ZFHX3: variants seen among roughly 807,000 people sequenced by gnomAD.
The protein encoded by ZFHX3 is zinc finger homeobox 3.
Under a neutral mutation model 279.1 loss-of-function variants are expected in ZFHX3, and 42 were observed. The ratio of observed to expected loss-of-function variants is 0.15; its 90% confidence interval spans 0.12 to 0.19. ZFHX3 has a LOEUF of 0.19. Ranked by LOEUF, ZFHX3 falls within the 10% of genes least tolerant of loss-of-function variation. The pLI, the probability that ZFHX3 is intolerant of heterozygous loss-of-function variation, is 1.00. For synonymous variants in ZFHX3, 2,293 were observed against 1,957.8 expected (o/e 1.17, Z -4.52); for missense variants, 4,981 against 4,754.0 (o/e 1.05, Z -1.40).
At position 72,958,191 on chromosome 16, in the gene ZFHX3, G is replaced by A; in HGVS notation, c.1955C>T (p.Ser652Phe). ...GGTCATGTGGCCGCCCAGCGAGCGG[G>A]AGGAGCCCAGGACCGTGTCGCATTT... ...CPKCDTVLGS[S>F]RSLGGHMTMM... The change falls in exon 2 of 10, where the codon TCC (serine) becomes TTC (phenylalanine). Residue 652 changes from serine to phenylalanine, a missense_variant. Around this residue, in one of 7 missense-constraint regions of ZFHX3, gnomAD observed 1,068 missense variants for 935.2 expected, o/e 1.14. Coordinates refer to ENST00000268489, the MANE Select transcript of ZFHX3 (RefSeq NM_006885.4). The A allele has an allele frequency of 6.2e-7, 1 of 1,613,396 alleles. No homozygotes were observed. The highest frequency in any genetic ancestry group is 8.5e-7 in the Non-Finnish European group (1 of 1,179,346).
chr16:73,629,883 C>CCA (rs1467313922), intron 2 of ZFHX3, among the ~76,000 whole-genome samples: 1 of 152,216 alleles, frequency 6.6e-6, no homozygotes, highest in Non-Finnish European at 1.5e-5. Context: ...CTGATAGTCT[C>CCA]TTTCAACCGC....
chr16:72,796,641 T>C lies in ZFHX3; in HGVS notation c.6041A>G (p.Gln2014Arg). 1 of 1,614,100 alleles carries C rather than the reference T, an allele frequency of 6.2e-7. No homozygotes were observed. The highest frequency in any genetic ancestry group is 1.1e-5 in the South Asian group (1 of 91,076). The part of the protein sequence containing the change: ...HVHQNYFPFK[Q>R]LERFAKQYRD... Reference sequence around the variant, plus strand: ...GTACTGTTTGGCAAACCTCTCGAGCTGTTTGAAAGGAAAGTAATTCTGATG... The same window carrying C: ...GTACTGTTTGGCAAACCTCTCGAGCCGTTTGAAAGGAAAGTAATTCTGATG... Residue 2014 changes from glutamine (Q) to arginine (R), a missense_variant, in exon 9 of 10, where the codon CAG becomes CGG. Gln to Arg is a conservative substitution (Grantham distance 43). Transcript: ENST00000268489.
intron 3 of ZFHX3, among the ~76,000 whole-genome samples, chr16:73,385,783 T>C (rs1256152187): frequency 1.3e-5 from 2 of 152,184 alleles, no homozygotes; most frequent in Non-Finnish European, 2.9e-5. Context: ...GCAGGATGGC[T>C]TGCTGCCTGG....
chr16:73,880,810 G>A (rs571726465), intron 1 of ZFHX3, among the ~76,000 whole-genome samples: 2 of 152,144 alleles, frequency 1.3e-5, no homozygotes, highest in Admixed American at 1.3e-4. Flanking sequence ...ATCAAAGTTT[G>A]CTTGGTGAAA....
intron 4 of ZFHX3, among the ~76,000 whole-genome samples, chr16:73,279,426 GA>G (rs1021192841): frequency 2.3e-4 from 35 of 151,948 alleles, no homozygotes; most frequent in African/African-American, 7.5e-4. Flanking sequence ...TGGCTATAAA[GA>G]AAAAAAGAAT....
At chr16:73,241,713 C>G (rs1232802411) in intron 5 of ZFHX3, among the ~76,000 whole-genome samples, 1 of 148,390 alleles carries the variant, frequency 6.7e-6, no homozygotes, top group Non-Finnish European at 1.5e-5. Flanking sequence ...TCGCTTGAAC[C>G]CAGGAGGCGG....
intron 1 of ZFHX3, among the ~76,000 whole-genome samples, chr16:73,788,234 C>T (rs1304224438): frequency 6.6e-6 from 1 of 152,172 alleles, no homozygotes; most frequent in Admixed American, 6.5e-5. Context: ...CACTCTCCTC[C>T]TGCCTTCCAT....
At chr16:73,280,752 C>A (rs923235484) in intron 4 of ZFHX3, among the ~76,000 whole-genome samples, 1 of 151,962 alleles carries the variant, frequency 6.6e-6, no homozygotes, top group Admixed American at 6.6e-5. Flanking sequence ...GAGGCCGAGG[C>A]AGGCGGATTA....
At chr16:73,081,989 A>AT in intron 8 of ZFHX3, among the ~76,000 whole-genome samples, 1 of 151,602 alleles carries the variant, frequency 6.6e-6, no homozygotes, top group Non-Finnish European at 1.5e-5. Flanking sequence ...GGTGTGTACC[A>AT]CCACACCCAG....
At chr16:73,621,204 G>C (rs779784111) in intron 2 of ZFHX3, among the ~76,000 whole-genome samples, 1 of 152,298 alleles carries the variant, frequency 6.6e-6, no homozygotes, top group Non-Finnish European at 1.5e-5. Context: ...TCCTTCAGGA[G>C]TACTGGCCTC....
At chr16:73,007,648 A>G (rs1423759486) in intron 1 of ZFHX3, among the ~76,000 whole-genome samples, 1 of 151,970 alleles carries the variant, frequency 6.6e-6, no homozygotes, top group Non-Finnish European at 1.5e-5. Flanking sequence ...GGGTTTCACT[A>G]TGTTGGCCAG....
intron 2 of ZFHX3, among the ~76,000 whole-genome samples, chr16:72,953,785 A>G (rs896024244): frequency 1.3e-5 from 2 of 152,106 alleles, no homozygotes; most frequent in African/African-American, 4.8e-5. Context: ...TGTTGCCCAG[A>G]CTGGTCTCAA....
chr16:72,946,685 G>A (rs558109754), intron 3 of ZFHX3, among the ~76,000 whole-genome samples: 36 of 152,282 alleles, frequency 2.4e-4, no homozygotes, highest in African/African-American at 7.5e-4. Context: ...GAACCCACAC[G>A]CCTCAGACGC....
At chr16:73,157,000 C>T (rs1967103255) in intron 5 of ZFHX3, among the ~76,000 whole-genome samples, 1 of 152,200 alleles carries the variant, frequency 6.6e-6, no homozygotes, top group African/African-American at 2.4e-5. Flanking sequence ...GCGTGAGCCA[C>T]CGTGCCCGGC....
At chr16:73,034,235 T>C (rs943688063) in intron 1 of ZFHX3, among the ~76,000 whole-genome samples, 1 of 152,124 alleles carries the variant, frequency 6.6e-6, no homozygotes, top group East Asian at 1.9e-4. Context: ...AGACGCCCAC[T>C]GGTCCTCGAC....
At chr16:73,422,825 T>C (rs1361257173) in intron 3 of ZFHX3, among the ~76,000 whole-genome samples, 1 of 152,220 alleles carries the variant, frequency 6.6e-6, no homozygotes, top group Non-Finnish European at 1.5e-5. Flanking sequence ...CAGACAATCC[T>C]CCTGGGTTAG....
intron 3 of ZFHX3, among the ~76,000 whole-genome samples, chr16:72,940,329 C>A (rs987223616): frequency 6.6e-6 from 1 of 152,210 alleles, no homozygotes; most frequent in African/African-American, 2.4e-5. Flanking sequence ...AAGACCCCTT[C>A]CCAGTGATTT....
chr16:73,248,029 G>C (rs1452093685), intron 5 of ZFHX3, among the ~76,000 whole-genome samples: 1 of 151,820 alleles, frequency 6.6e-6, no homozygotes, highest in Non-Finnish European at 1.5e-5. Flanking sequence ...TAATGTGTGT[G>C]TGTATATGTA....
At chr16:73,365,309 G>T (rs552723495) in intron 3 of ZFHX3, among the ~76,000 whole-genome samples, 2 of 152,198 alleles carry the variant, frequency 1.3e-5, no homozygotes, top group African/African-American at 4.8e-5. Flanking sequence ...GGATGCAGAC[G>T]AGAGCTGGTG....
Sources: allele counts gnomAD v4.1 joint callset (sites outside exome capture counted in the v4.1 genomes callset), GRCh38; gene constraint gnomAD v4.1.1; regional missense constraint gnomAD v4.1.1; transcripts MANE v1.5; gene names NCBI Gene and HGNC (gene_info 2026-07-23, HGNC 2026-07-21).